Variants in SMAD3 observed in about 807,000 individuals in gnomAD.
The protein encoded by SMAD3 is MAD homolog 3.
Under a neutral mutation model 51.8 loss-of-function variants are expected in SMAD3, and 12 were observed. The ratio of observed to expected loss-of-function variants is 0.23; its 90% confidence interval spans 0.15 to 0.38. SMAD3 has a LOEUF of 0.38. Ranked by LOEUF, SMAD3 falls within the 10% of genes least tolerant of loss-of-function variation. SMAD3 has a pLI of 1.00. For synonymous variants in SMAD3, 238 were observed against 227.7 expected, an observed-to-expected ratio of 1.05 and a Z score of -0.41; for missense variants, 294 against 565.6, an observed-to-expected ratio of 0.52 and a Z score of 4.87.
chr15:67,122,802 G>C (rs527659517), intron 1 of SMAD3, among the ~76,000 whole-genome samples: 1 of 152,300 alleles, frequency 6.6e-6, no homozygotes, highest in South Asian at 2.1e-4. Flanking sequence ...CCACTTGTAA[G>C]TTATGGGACT....
intron 1 of SMAD3, among the ~76,000 whole-genome samples, chr15:67,155,984 C>G (rs1962271997): frequency 1.9e-5 from 1 of 52,056 alleles, no homozygotes; most frequent in African/African-American, 8.4e-5. Flanking sequence ...GAAACTCCAT[C>G]TCAAAAAAAA....
chr15:67,172,663 G>A (rs1053767243), intron 5 of SMAD3, among the ~76,000 whole-genome samples: 1 of 152,208 alleles, frequency 6.6e-6, no homozygotes, highest in Non-Finnish European at 1.5e-5. Context: ...TCATTTTACA[G>A]ATTAGGAAAC....
intron 1 of SMAD3, among the ~76,000 whole-genome samples, chr15:67,144,714 A>C (rs1961928768): frequency 6.6e-6 from 1 of 152,146 alleles, no homozygotes; most frequent in African/African-American, 2.4e-5. Flanking sequence ...AGACACAAAG[A>C]CAGCTGTTAT....
chr15:67,068,964 T>C (rs1959988407), intron 1 of SMAD3, among the ~76,000 whole-genome samples: 1 of 152,256 alleles, frequency 6.6e-6, no homozygotes, highest in South Asian at 2.1e-4. Context: ...TCATTCCCCC[T>C]GTGTGTGGGG....
intron 1 of SMAD3, among the ~76,000 whole-genome samples, chr15:67,160,323 A>G (rs1962391779): frequency 6.6e-6 from 1 of 152,186 alleles, no homozygotes; most frequent in Admixed American, 6.5e-5. Flanking sequence ...AGGCTTTTTA[A>G]TTGTAGCCAT....
intron 1 of SMAD3, among the ~76,000 whole-genome samples, chr15:67,085,103 G>A (rs896377514): frequency 6.6e-6 from 1 of 152,214 alleles, no homozygotes; most frequent in Non-Finnish European, 1.5e-5. Flanking sequence ...TTTGCCCTCA[G>A]TTGTTTTAAG....
intron 7 of SMAD3, 148 bp downstream of exon 7, chr15:67,185,012 G>A: frequency 3.8e-6 from 4 of 1,056,356 alleles, no homozygotes; most frequent in Non-Finnish European, 5.7e-6. Context: ...TTTTCTCTAT[G>A]CCCACAGATC....
intron 1 of SMAD3, among the ~76,000 whole-genome samples, chr15:67,081,684 T>C (rs750460500): frequency 7.9e-5 from 12 of 152,166 alleles, no homozygotes; most frequent in Non-Finnish European, 1.8e-4. Flanking sequence ...GCCACAACTG[T>C]TGCAGATATT....
At chr15:67,157,542 C>T (rs1470459444) in intron 1 of SMAD3, among the ~76,000 whole-genome samples, 1 of 152,220 alleles carries the variant, frequency 6.6e-6, no homozygotes, top group Non-Finnish European at 1.5e-5. Flanking sequence ...CAGTCGTGTG[C>T]CTGGCACGTA....
chr15:67,119,875 C>T (rs1478454920), intron 1 of SMAD3, among the ~76,000 whole-genome samples: 1 of 152,174 alleles, frequency 6.6e-6, no homozygotes, highest in African/African-American at 2.4e-5. Flanking sequence ...CAGCTCACTG[C>T]AGCCTTGACC....
chr15:67,146,696 G>T (rs960478918), intron 1 of SMAD3, among the ~76,000 whole-genome samples: 1 of 152,198 alleles, frequency 6.6e-6, no homozygotes, highest in African/African-American at 2.4e-5. Context: ...GGGGAGAGAA[G>T]AATGAGCCTT....
intron 4 of SMAD3, 29 bp downstream of exon 4, chr15:67,166,882 C>T: frequency 6.5e-7 from 1 of 1,540,944 alleles, no homozygotes; most frequent in Non-Finnish European, 8.8e-7. Flanking sequence ...TGCTCTTATT[C>T]TTAACTGATT....
chr15:67,143,558 C>T (rs1487786944), intron 1 of SMAD3, among the ~76,000 whole-genome samples: 1 of 152,188 alleles, frequency 6.6e-6, no homozygotes, highest in Non-Finnish European at 1.5e-5. Context: ...CCTCAGCCTC[C>T]CAAGTAGCTG....
intron 1 of SMAD3, among the ~76,000 whole-genome samples, chr15:67,082,226 A>G (rs1960294191): frequency 6.6e-6 from 1 of 152,142 alleles, no homozygotes; most frequent in Non-Finnish European, 1.5e-5. Flanking sequence ...TTGAGGCCCA[A>G]GGAGACAAAA....
chr15:67,118,500 T>G (rs1395777076), intron 1 of SMAD3, among the ~76,000 whole-genome samples: 1 of 152,094 alleles, frequency 6.6e-6, no homozygotes, highest in African/African-American at 2.4e-5. Context: ...GGTCCAAAGG[T>G]GTGTCATTTT....
At chr15:67,172,256 G>T (rs142960821) in intron 5 of SMAD3, among the ~76,000 whole-genome samples, 588 of 152,334 alleles carry the variant, frequency 3.9e-3, no homozygotes, top group Middle Eastern at 0.014. Flanking sequence ...GAATTCTTAG[G>T]TTATTTCTTC....
chr15:67,175,569 C>T (rs975036823), intron 5 of SMAD3, among the ~76,000 whole-genome samples: 1 of 152,184 alleles, frequency 6.6e-6, no homozygotes, highest in African/African-American at 2.4e-5. Flanking sequence ...GTTATTTCTT[C>T]CAAAGGGAGG....
At chr15:67,186,351 C>G (rs927144329) in intron 7 of SMAD3, among the ~76,000 whole-genome samples, 6 of 152,210 alleles carry the variant, frequency 3.9e-5, no homozygotes, top group Admixed American at 3.3e-4. Flanking sequence ...CCCGGCCCCA[C>G]CCCCATCTTT....
At chr15:67,161,012 T>G (rs1186731794) in intron 1 of SMAD3, among the ~76,000 whole-genome samples, 2 of 152,126 alleles carry the variant, frequency 1.3e-5, no homozygotes, top group Non-Finnish European at 2.9e-5. Context: ...GTGTGGTATC[T>G]GAGAAATCAT....
Sources: gnomAD v4.1 joint callset for allele counts (sites outside exome capture counted in the v4.1 genomes callset) on GRCh38, gnomAD v4.1.1 for gene constraint, MANE v1.5 for transcripts, NCBI Gene and HGNC (gene_info 2026-07-23, HGNC 2026-07-21) for gene names.